Variants in NKAIN3 observed in about 807,000 individuals in gnomAD.
NKAIN3 encodes the protein sodium/potassium transporting ATPase interacting 3, also known as sodium/potassium-transporting ATPase subunit beta-1-interacting protein 3.
In NKAIN3, 25 loss-of-function variants were observed where a neutral mutation model predicts 30.2. The ratio of observed to expected loss-of-function variants is 0.83; its 90% CI spans 0.60 to 1.16. NKAIN3 has a LOEUF of 1.16. Among genes scored for constraint, NKAIN3 ranks in the 50% most tolerant of loss-of-function variants. The probability of loss-of-function intolerance (pLI) is 0.00; values close to 1 mark genes in which losing one functional copy is unlikely to be tolerated. For missense variants in NKAIN3, 225 were observed against 254.1 expected (o/e 0.89, Z 0.78); for synonymous variants, 91 against 89.6 (o/e 1.02, Z -0.09).
intron 4 of NKAIN3, among the ~76,000 whole-genome samples, chr8:62,787,439 A>G (rs995808510): frequency 6.6e-6 from 1 of 152,172 alleles, no homozygotes; most frequent in African/African-American, 2.4e-5. Context: ...AAAATCTCCA[A>G]TAGTTAGCCA....
chr8:62,315,039 T>C (rs1814567967), intron 1 of NKAIN3, among the ~76,000 whole-genome samples: 4 of 152,134 alleles, frequency 2.6e-5, no homozygotes, highest in Admixed American at 1.3e-4. Context: ...ATGTTTGGTA[T>C]AAATAGATTG....
At chr8:62,350,711 G>T (rs1405655158) in intron 1 of NKAIN3, among the ~76,000 whole-genome samples, 3 of 151,840 alleles carry the variant, frequency 2.0e-5, no homozygotes, top group African/African-American at 7.3e-5. Context: ...ATTTATTTGA[G>T]ACAGAGTCTC....
intron 1 of NKAIN3, among the ~76,000 whole-genome samples, chr8:62,492,486 T>C (rs1380327484): frequency 1.3e-5 from 2 of 152,134 alleles, no homozygotes; most frequent in Non-Finnish European, 2.9e-5. Flanking sequence ...CTTATTGAAT[T>C]GTTTTCTTCT....
chr8:62,753,376 G>A lies in NKAIN3; in HGVS notation c.471+6247G>A, dbSNP rs184174812. ...TTTAGCACCCGAACATCTGAAACATGAAAGCTTACAAAACTGAAATTTAAA... is the reference window on the plus strand; with the variant it reads ...TTTAGCACCCGAACATCTGAAACATAAAAGCTTACAAAACTGAAATTTAAA... On this transcript the variant is annotated intron_variant, in intron 4 of 6. Coordinates refer to ENST00000623646, the MANE Select transcript of NKAIN3 (RefSeq NM_001304533.3). 5.5e-3 allele frequency among the ~76,000 whole-genome samples: 830 copies of A among 152,036 alleles called. 8 individuals are homozygous for A. The highest frequency in any genetic ancestry group is 0.019 in the African/African-American group (796 of 41,472).
intron 4 of NKAIN3, among the ~76,000 whole-genome samples, chr8:62,840,168 C>G (rs1819489490): frequency 6.6e-6 from 1 of 151,986 alleles, no homozygotes; most frequent in Non-Finnish European, 1.5e-5. Flanking sequence ...AAATATATTT[C>G]TGGCATACAT....
intron 1 of NKAIN3, among the ~76,000 whole-genome samples, chr8:62,300,076 T>C (rs1363320943): frequency 6.6e-6 from 1 of 152,100 alleles, no homozygotes; most frequent in East Asian, 1.9e-4. Flanking sequence ...CTATAGTAGC[T>C]GTAACAGATC....
intron 1 of NKAIN3, among the ~76,000 whole-genome samples, chr8:62,434,167 G>T (rs975673431): frequency 7.2e-5 from 11 of 152,282 alleles, no homozygotes; most frequent in Admixed American, 5.2e-4. Context: ...GACTTGTATT[G>T]ACATTGCAGA....
chr8:62,577,209 A>G (rs1175058005), intron 1 of NKAIN3, among the ~76,000 whole-genome samples: 1 of 151,896 alleles, frequency 6.6e-6, no homozygotes, highest in African/African-American at 2.4e-5. Flanking sequence ...TTCCCACCTC[A>G]ATTCATTTTT....
chr8:62,604,144 T>C (rs1360493095), intron 3 of NKAIN3, among the ~76,000 whole-genome samples: 2 of 152,002 alleles, frequency 1.3e-5, no homozygotes, highest in South Asian at 2.1e-4. Flanking sequence ...TAGAAAATAG[T>C]GAGAAAGTTA....
intron 1 of NKAIN3, among the ~76,000 whole-genome samples, chr8:62,570,069 C>T (rs563479183): frequency 1.3e-5 from 2 of 152,232 alleles, no homozygotes; most frequent in East Asian, 3.9e-4. Context: ...TTCATTGTGT[C>T]TACCTGTAGT....
chr8:62,965,002 T>C (rs138145287), intron 6 of NKAIN3, among the ~76,000 whole-genome samples: 3 of 152,234 alleles, frequency 2.0e-5, no homozygotes, highest in African/African-American at 7.2e-5. Context: ...CCCAGCATAC[T>C]GTAGAAAGAA....
At chr8:62,822,504 T>C (rs1347966306) in intron 4 of NKAIN3, among the ~76,000 whole-genome samples, 4 of 152,168 alleles carry the variant, frequency 2.6e-5, no homozygotes, top group Non-Finnish European at 5.9e-5. Context: ...CCTAAATACC[T>C]AAATTAACTA....
rs1462113974 is a variant in NKAIN3 at position 62,979,682 on chromosome 8, G to A, written c.*14275G>A. ...GGAGATTGAGGCTGGTAGTTACAGTGGTTTTGCTTCATGTCCCATCCCACT... is the reference window on the plus strand; with the variant it reads ...GGAGATTGAGGCTGGTAGTTACAGTAGTTTTGCTTCATGTCCCATCCCACT... On this transcript the variant is annotated 3_prime_UTR_variant, in exon 7 of 7. Coordinates refer to ENST00000623646, the MANE Select transcript of NKAIN3 (RefSeq NM_001304533.3). 6.6e-6 allele frequency: 1 copy of A among 152,224 alleles called. No individual in the cohort carries two copies. The highest frequency in any genetic ancestry group is 1.5e-5 in the Non-Finnish European group (1 of 68,058). 9.4% of individuals were successfully genotyped at this position (152,224 alleles called of 1,614,324 possible).
rs541840722 is a variant in NKAIN3, at chr8:62,321,020, C to G, written c.54+71893C>G. ...TACATAGTCCCATATTTCTTAGAGG[C>G]TTTGTTCATTTCTTTTTATTCTTTT... On this transcript the variant is annotated intron_variant, in intron 1 of 6. Coordinates refer to ENST00000623646, the MANE Select transcript of NKAIN3 (RefSeq NM_001304533.3). Among the ~76,000 whole-genome samples, 12 of 152,244 alleles carry G rather than the reference C, an allele frequency of 7.9e-5. No individual in the cohort carries two copies. The South Asian group carries it at 2.5e-3, about 32-fold the overall frequency.
intron 4 of NKAIN3, among the ~76,000 whole-genome samples, chr8:62,900,123 T>C (rs1057422527): frequency 9.2e-5 from 14 of 152,138 alleles, no homozygotes; most frequent in African/African-American, 3.4e-4. Context: ...AATTGATGGT[T>C]GTTGCTCACT....
chr8:62,928,535 A>G (rs1488657108), intron 5 of NKAIN3, among the ~76,000 whole-genome samples: 2 of 152,094 alleles, frequency 1.3e-5, no homozygotes, highest in African/African-American at 4.8e-5. Flanking sequence ...CTGGCTCTTC[A>G]CTAAGCCCGT....
At chr8:62,274,639 C>T (rs937069603) in intron 1 of NKAIN3, among the ~76,000 whole-genome samples, 10 of 151,902 alleles carry the variant, frequency 6.6e-5, no homozygotes, top group African/African-American at 9.7e-5. Flanking sequence ...TACATGTGCA[C>T]AATGTGCAGG....
intron 4 of NKAIN3, among the ~76,000 whole-genome samples, chr8:62,879,598 G>T (rs1820912982): frequency 6.6e-6 from 1 of 152,240 alleles, no homozygotes; most frequent in Middle Eastern, 3.4e-3. Context: ...CAGGAGGCAT[G>T]CATGAGCACA....
intron 1 of NKAIN3, among the ~76,000 whole-genome samples, chr8:62,575,575 A>C (rs1217312574): frequency 6.6e-6 from 1 of 152,134 alleles, no homozygotes; most frequent in Non-Finnish European, 1.5e-5. Flanking sequence ...CTCTCTACCA[A>C]AATACCAATG....
Sources: gnomAD v4.1 joint callset for allele counts (sites outside exome capture counted in the v4.1 genomes callset) on GRCh38, gnomAD v4.1.1 for gene constraint, MANE v1.5 for transcripts, NCBI Gene and HGNC (gene_info 2026-07-23, HGNC 2026-07-21) for gene names.